The following RNF40 variants were observed in gnomAD, a reference collection of about 807,000 sequenced individuals.
RNF40 encodes E3 ubiquitin-protein ligase BRE1B.
In RNF40, 39 loss-of-function variants were observed where a neutral mutation model predicts 123.3. The observed-to-expected ratio is 0.32, with a 90% CI of 0.24 to 0.41. RNF40 has a LOEUF of 0.41. RNF40 is among the 10% of genes least tolerant of loss of function. The pLI is 1.00. For synonymous variants in RNF40, 538 were observed against 526.0 expected (o/e 1.02, Z -0.31); for missense variants, 1,003 against 1,319.9 (o/e 0.76, Z 3.72).
At position 30,769,521 on chromosome 16, in the gene RNF40, G is replaced by C. The variant is rs564561453; in HGVS notation, c.2507G>C (p.Arg836Pro). ...GTGCAGAAGCTAGAGGAGAAGGAGCGAGCCTTGCAGGGCAGCCTCGGGGGT... is the reference window on the plus strand; with the variant it reads ...GTGCAGAAGCTAGAGGAGAAGGAGCCAGCCTTGCAGGGCAGCCTCGGGGGT... ...LTVQKLEEKERALQGSLGGVE... is the reference protein window; with the variant it reads ...LTVQKLEEKEPALQGSLGGVE... Residue 836 changes from arginine to proline, a missense_variant, in exon 17 of 20, where the codon CGA becomes CCA. Physicochemically the swap from Arg to Pro is moderately radical, Grantham distance 103. Coordinates refer to ENST00000324685, the MANE Select transcript of RNF40 (RefSeq NM_014771.4). 6.2e-7 allele frequency: 1 copy of C among 1,613,262 alleles called. No individual in the cohort carries two copies. Among genetic ancestry groups the C allele is most frequent in the East Asian group, 2.2e-5 (1 of 44,854 alleles).
At position 30,768,441 on chromosome 16, in the gene RNF40, T is replaced by A. The variant is rs376313170; in HGVS notation, c.1890T>A (p.Ala630=). Residue 630 remains alanine (A), a synonymous_variant, in exon 13 of 20, where the codon GCT becomes GCA. Transcript: ENST00000324685. The surrounding 1 kb of genome is among the most constrained non-coding windows in gnomAD (Gnocchi z 4.1). ...PSLGPPPVAS[A]LSRADREKAK... is the part of the protein sequence containing the mutation. ...TAGGACCTCCACCTGTAGCCTCCGC[T>A]CTCTCAAGGGCTGATCGGGAGAAGG... The A allele has an allele frequency of 6.2e-7, 1 of 1,613,316 alleles. No individual in the cohort carries two copies. The highest frequency in any genetic ancestry group is 1.7e-5 in the Admixed American group (1 of 59,860).
chr16:30,769,685 T>C, intron 17 of RNF40, 85 bp downstream of exon 17: 4 of 1,405,108 alleles, frequency 2.8e-6, no homozygotes, highest in Non-Finnish European at 3.8e-6. Context: ...CCCGATGCAA[T>C]AGCCTGAGGT....
chr16:30,775,616 T>A lies in RNF40; in HGVS notation c.*1502T>A, dbSNP rs2054221436. The A allele has an allele frequency of 1.3e-5, 2 of 153,118 alleles. No homozygotes were observed. The highest frequency in any genetic ancestry group is 2.4e-5 in the African/African-American group (1 of 41,488). The allele number at this position is 153,118 out of a possible 1,614,324, so 9.5% of individuals were successfully genotyped here. A position where few individuals can be genotyped will look rare whatever the true frequency, so the allele number is the denominator to read the frequency against. ...ATCGGGACACCTCAGCTGGGTGACTTCCCTCGTTGCAATCGGCCTCGGGAG... is the reference window on the plus strand; with the variant it reads ...ATCGGGACACCTCAGCTGGGTGACTACCCTCGTTGCAATCGGCCTCGGGAG... On this transcript the variant is annotated 3_prime_UTR_variant, in exon 20 of 20. Transcript: ENST00000324685.
At chr16:30,771,565 T>C (rs1326847507) in intron 17 of RNF40, among the ~76,000 whole-genome samples, 1 of 151,988 alleles carries the variant, frequency 6.6e-6, no homozygotes, top group Non-Finnish European at 1.5e-5. Context: ...TGCAGTGAGC[T>C]GAGATCGTGT....
rs1049602466 is a variant in RNF40, at chr16:30,768,822, C to T, written c.2098-16C>T. 43 of 1,614,094 alleles carry T rather than the reference C, an allele frequency of 2.7e-5. No individual in the cohort carries two copies. The highest frequency in any genetic ancestry group is 3.5e-5 in the Non-Finnish European group (41 of 1,180,040). On this transcript the variant is annotated splice_polypyrimidine_tract_variant and intron_variant, in intron 14 of 19. Coordinates refer to ENST00000324685, the MANE Select transcript of RNF40 (RefSeq NM_014771.4). This position sits in a 1 kb window ranked among gnomAD's most constrained non-coding sequence, Gnocchi z 4.1. ...GGAAGCAGTGTCAAGAGAGTTTCTT[C>T]TTCCCTGTGCTATAGGTTGATGAGC...
intron 17 of RNF40, among the ~76,000 whole-genome samples, chr16:30,770,862 C>T (rs2054136152): frequency 6.6e-6 from 1 of 152,110 alleles, no homozygotes; most frequent in Non-Finnish European, 1.5e-5. Context: ...CAGGAGCCTG[C>T]CACCTCGCCC....
chr16:30,763,665 C>A, intron 4 of RNF40, 106 bp downstream of exon 4: 1 of 1,183,352 alleles, frequency 8.5e-7, no homozygotes, highest in Non-Finnish European at 1.2e-6. Flanking sequence ...TACTACTTCT[C>A]ACGAAATGGA....
Position 30,771,827 on chromosome 16 carries a change from A to T in RNF40, c.2587-6A>T. 1 of 1,567,518 alleles carries T rather than the reference A, an allele frequency of 6.4e-7. No individual in the cohort carries two copies. The highest frequency in any genetic ancestry group is 1.2e-5 in the South Asian group (1 of 83,474). On this transcript the variant is annotated splice_region_variant and splice_polypyrimidine_tract_variant and intron_variant, in intron 17 of 19. Transcript: ENST00000324685. ...CAGTGCCTCCTTCCTGTTCCACCCT[A>T]CTCAGGCTGTAGAAGCCGCCCAGCT...
intron 4 of RNF40, among the ~76,000 whole-genome samples, chr16:30,763,815 A>T (rs2053959998): frequency 6.6e-6 from 1 of 152,232 alleles, no homozygotes; most frequent in South Asian, 2.1e-4. Flanking sequence ...TATGTATTTG[A>T]CGCTTCCTAG....
Position 30,762,509 on chromosome 16 carries a change from C to G in RNF40, c.-37C>G. 6.4e-7 allele frequency: 1 copy of G among 1,557,000 alleles called. No individual in the cohort carries two copies. The highest frequency in any genetic ancestry group is 1.4e-5 in the African/African-American group (1 of 72,344). Reference sequence around the variant, plus strand: ...GTACCGCCTCCTCCCGTTTGACGCCCCTCAGGGGACCCTGCATCGCTCCAG... The same window carrying G: ...GTACCGCCTCCTCCCGTTTGACGCCGCTCAGGGGACCCTGCATCGCTCCAG... On this transcript the variant is annotated 5_prime_UTR_variant, in exon 2 of 20. Coordinates refer to ENST00000324685, the MANE Select transcript of RNF40 (RefSeq NM_014771.4).
intron 8 of RNF40, among the ~76,000 whole-genome samples, chr16:30,765,912 AC>A (rs1052886575): frequency 6.6e-6 from 1 of 152,026 alleles, no homozygotes; most frequent in African/African-American, 2.4e-5. Flanking sequence ...CTTTATTAGC[AC>A]TTTAGGCCTT....
chr16:30,770,308 C>T (rs564270793), intron 17 of RNF40, among the ~76,000 whole-genome samples: 7 of 151,928 alleles, frequency 4.6e-5, no homozygotes, highest in East Asian at 1.9e-4. Flanking sequence ...GACAGGGTTT[C>T]GCCATGTTGA....
At chr16:30,767,450 C>G (rs1018294456) in intron 11 of RNF40, among the ~76,000 whole-genome samples, 4 of 151,454 alleles carry the variant, frequency 2.6e-5, no homozygotes, top group East Asian at 3.9e-4. Flanking sequence ...AGTTAACTAA[C>G]TTTTGTGAAT....
chr16:30,774,457 T>G lies in RNF40; in HGVS notation c.*343T>G. ...GGATGCATCCTAACCCTAAGGAAAA[T>G]TCCCCAGGCTGTGATCTACCCTAGA... On this transcript the variant is annotated 3_prime_UTR_variant, in exon 20 of 20. Coordinates refer to ENST00000324685, the MANE Select transcript of RNF40 (RefSeq NM_014771.4). 8.3e-6 allele frequency: 2 copies of G among 241,996 alleles called. No homozygotes were observed. Among genetic ancestry groups the G allele is most frequent in the Non-Finnish European group, 1.6e-5 (2 of 124,196 alleles). 15.0% of individuals were successfully genotyped at this position (241,996 alleles called of 1,614,324 possible). A position where few individuals can be genotyped will look rare whatever the true frequency, so the allele number is the denominator to read the frequency against.
rs927717135 is a variant in RNF40, at chr16:30,775,821, C to T, written c.*1707C>T. ...GCCGCGTGCGTCTCAGCGGTGGCGC[C>T]TTCGGACCCTATTGGCGCCCGGGAC... On this transcript the variant is annotated 3_prime_UTR_variant, in exon 20 of 20. Transcript: ENST00000324685. The T allele has an allele frequency of 6.6e-6, 1 of 152,274 alleles. No homozygotes were observed. The highest frequency in any genetic ancestry group is 1.5e-5 in the Non-Finnish European group (1 of 68,076). The allele number at this position is 152,274 out of a possible 1,614,324, so 9.4% of individuals were successfully genotyped here.
At chr16:30,762,250 C>CT, upstream of RNF40, 1 of 422,158 alleles carries the variant, frequency 2.4e-6, no homozygotes, top group Non-Finnish European at 4.2e-6. Context: ...CCGGGGCTGC[C>CT]TTTGGCGCCT....
chr16:30,771,614 C>T (rs1031727991), intron 17 of RNF40, among the ~76,000 whole-genome samples: 2 of 150,556 alleles, frequency 1.3e-5, no homozygotes, highest in African/African-American at 2.4e-5. Flanking sequence ...AAGACTCCGT[C>T]TCAAAAAAAC....
chr16:30,763,039 C>T (rs1230278323), intron 2 of RNF40, 79 bp from the exon 3 acceptor site: 1 of 1,528,988 alleles, frequency 6.5e-7, no homozygotes, highest in Non-Finnish European at 9.0e-7. Flanking sequence ...TGCAGATGCT[C>T]TGCTCCTCTT....
In RNF40 at chr16:30,765,346, G is replaced by A; in HGVS notation, c.918+19G>A. Reference sequence around the variant, plus strand: ...AGAGCAGGTGGGGCAGGGGTGCTGGGGCAGGTGAGGCAAGGCTGGGCCCTT... The same window carrying A: ...AGAGCAGGTGGGGCAGGGGTGCTGGAGCAGGTGAGGCAAGGCTGGGCCCTT... On this transcript the variant is annotated intron_variant, in intron 7 of 19. Coordinates refer to ENST00000324685, the MANE Select transcript of RNF40 (RefSeq NM_014771.4). 5 of 1,614,162 alleles carry A rather than the reference G, an allele frequency of 3.1e-6. No individual in the cohort carries two copies. The highest frequency in any genetic ancestry group is 4.2e-6 in the Non-Finnish European group (5 of 1,179,998).
Sources: allele counts gnomAD v4.1 joint callset (sites outside exome capture counted in the v4.1 genomes callset), GRCh38; gene constraint gnomAD v4.1.1; non-coding constraint Gnocchi (gnomAD v3.1); transcripts MANE v1.5; gene names NCBI Gene and HGNC (gene_info 2026-07-23, HGNC 2026-07-21).